Variants in ZFYVE9 observed in about 807,000 individuals in gnomAD.
The protein encoded by ZFYVE9 is zinc finger FYVE-type containing 9.
Under a neutral mutation model 126.7 loss-of-function variants are expected in ZFYVE9, and 43 were observed. That is an observed-to-expected ratio of 0.34 (90% CI 0.27 to 0.44). The LOEUF (loss-of-function observed/expected upper bound fraction) is 0.44, where lower values mean the gene tolerates loss of function less well. Ranked by LOEUF, ZFYVE9 falls within the 20% of genes least tolerant of loss-of-function variation. The probability of loss-of-function intolerance (pLI) is 1.00; values close to 1 mark genes in which losing one functional copy is unlikely to be tolerated. For synonymous variants in ZFYVE9, 521 were observed against 597.4 expected, an observed-to-expected ratio of 0.87 and a Z score of 1.87; for missense variants, 1,476 against 1,697.0, an observed-to-expected ratio of 0.87 and a Z score of 2.29.
chr1:52,243,135 T>C (rs551537988), intron 4 of ZFYVE9, among the ~76,000 whole-genome samples: 2 of 152,340 alleles, frequency 1.3e-5, no homozygotes, highest in East Asian at 1.9e-4. Context: ...TCTCAGATCA[T>C]TGATTAATTC....
chr1:52,204,027 C>T (rs1449253858), intron 1 of ZFYVE9, among the ~76,000 whole-genome samples: 1 of 151,896 alleles, frequency 6.6e-6, no homozygotes, highest in Admixed American at 6.6e-5. Flanking sequence ...TCTGATAATT[C>T]TAGCATCTCT....
At chr1:52,322,403 A>T (rs529387093) in intron 13 of ZFYVE9, among the ~76,000 whole-genome samples, 2 of 139,492 alleles carry the variant, frequency 1.4e-5, no homozygotes, top group African/African-American at 5.4e-5. Context: ...TTTTTGAGAC[A>T]GAGTCTCGCT....
At chr1:52,217,861 A>G (rs1434495489) in intron 2 of ZFYVE9, among the ~76,000 whole-genome samples, 2 of 152,220 alleles carry the variant, frequency 1.3e-5, no homozygotes, top group East Asian at 3.9e-4. Flanking sequence ...TTTTTGGCCA[A>G]CACCATGTCA....
At chr1:52,345,603 A>T (rs1475988461) in intron 18 of ZFYVE9, 1 of 154,942 alleles carries the variant, frequency 6.5e-6, no homozygotes, top group African/African-American at 2.4e-5. Flanking sequence ...GAGCCTCTTG[A>T]GGGCAGGGCC....
At position 52,249,278 on chromosome 1, in the gene ZFYVE9, T is replaced by C. The variant is rs542400179; in HGVS notation, c.2178+9683T>C. Among the ~76,000 whole-genome samples the C allele has an allele frequency of 2.6e-5, 4 of 152,348 alleles. No individual in the cohort carries two copies. The South Asian group carries it at 8.3e-4, about 32-fold the overall frequency. On this transcript the variant is annotated intron_variant, in intron 4 of 18. Transcript: ENST00000287727. ...TCTCCAGTAGTTCTTCATAACAATG[T>C]GAAAACAGACTAATACACTTGTCAA...
intron 13 of ZFYVE9, among the ~76,000 whole-genome samples, chr1:52,317,070 G>A (rs1646192404): frequency 6.6e-6 from 1 of 152,114 alleles, no homozygotes; most frequent in Non-Finnish European, 1.5e-5. Context: ...TGGAAATAAA[G>A]TGTACATTTC....
chr1:52,227,272 A>G (rs1457571334), intron 2 of ZFYVE9, among the ~76,000 whole-genome samples: 1 of 152,182 alleles, frequency 6.6e-6, no homozygotes, highest in African/African-American at 2.4e-5. Context: ...TTGGCAAGCT[A>G]TTTCTCCTCC....
chr1:52,253,145 C>A (rs924313556), intron 4 of ZFYVE9, among the ~76,000 whole-genome samples: 2 of 152,102 alleles, frequency 1.3e-5, no homozygotes, highest in African/African-American at 4.8e-5. Flanking sequence ...CAGAGTGAGA[C>A]CCTGTCTCAA....
At chr1:52,185,727 T>G (rs1644758635) in intron 1 of ZFYVE9, among the ~76,000 whole-genome samples, 1 of 151,980 alleles carries the variant, frequency 6.6e-6, no homozygotes, top group Non-Finnish European at 1.5e-5. Flanking sequence ...ATCGAGACCA[T>G]CCTGGCCAAC....
At chr1:52,237,084 C>G (rs1645279539) in intron 3 of ZFYVE9, among the ~76,000 whole-genome samples, 1 of 152,114 alleles carries the variant, frequency 6.6e-6, no homozygotes, top group African/African-American at 2.4e-5. Context: ...CATTCAGTCT[C>G]TACAGAAAAC....
At chr1:52,298,305 T>C (rs1645997485) in intron 12 of ZFYVE9, among the ~76,000 whole-genome samples, 1 of 152,184 alleles carries the variant, frequency 6.6e-6, no homozygotes, top group African/African-American at 2.4e-5. Context: ...CTTTAATCCG[T>C]TTTTAGTTGA....
At chr1:52,213,577 G>A (rs932514661) in intron 1 of ZFYVE9, among the ~76,000 whole-genome samples, 1 of 151,976 alleles carries the variant, frequency 6.6e-6, no homozygotes, top group African/African-American at 2.4e-5. Context: ...GCTTGAACCC[G>A]GGAGGTGGAG....
intron 2 of ZFYVE9, among the ~76,000 whole-genome samples, chr1:52,218,043 G>T (rs565404854): frequency 6.6e-6 from 1 of 152,294 alleles, no homozygotes; most frequent in Non-Finnish European, 1.5e-5. Context: ...ACTCGAACCT[G>T]GCGGCTATTT....
chr1:52,293,633 T>A lies in ZFYVE9; in HGVS notation c.3206T>A (p.Val1069Glu). The A allele has an allele frequency of 6.2e-7, 1 of 1,614,154 alleles. No individual in the cohort carries two copies. The highest frequency in any genetic ancestry group is 8.5e-7 in the Non-Finnish European group (1 of 1,180,026). The change falls in exon 11 of 19, where the codon GTA (valine) becomes GAA (glutamate). Residue 1069 changes from valine to glutamate, a missense_variant. Transcript: ENST00000287727. Reference protein sequence around the residue: ...IQKWETPWAKVFPIRLMLRLG... With the variant: ...IQKWETPWAKEFPIRLMLRLG... ...AAATGGGAAACTCCTTGGGCTAAAG[T>A]ATTTCCTATCCGTCTGATGTTGAGA...
In ZFYVE9 at chr1:52,266,735, C is replaced by G. The variant is rs1645637460; in HGVS notation, c.2359C>G (p.Pro787Ala). 16 of 1,612,304 alleles carry G rather than the reference C, an allele frequency of 9.9e-6. No individual in the cohort carries two copies. Among genetic ancestry groups the G allele is most frequent in the Non-Finnish European group, 1.3e-5 (15 of 1,179,290 alleles). ...NNPAEYCSTI[P>A]PLQQAQASGA... is the part of the protein sequence containing the mutation. ...TCCTGCTGAATACTGTTCTACTATC[C>G]CTCCCTTGCAGCAAGCTCAGGCCTC... Residue 787 changes from proline to alanine, a missense_variant, in exon 6 of 19, where the codon CCT becomes GCT. Physicochemically the swap from Pro to Ala is conservative, Grantham distance 27. This residue lies in a region of ZFYVE9 where 669 missense variants were observed against 902.4 expected (regional missense o/e 0.74). Transcript: ENST00000287727.
intron 2 of ZFYVE9, among the ~76,000 whole-genome samples, chr1:52,228,210 C>G (rs1645186695): frequency 6.6e-6 from 1 of 152,138 alleles, no homozygotes; most frequent in Non-Finnish European, 1.5e-5. Context: ...TCATGAGTAG[C>G]TGGGATTACA....
chr1:52,303,668 A>G (rs1383600561), intron 12 of ZFYVE9, among the ~76,000 whole-genome samples, 153 bp from the exon 13 acceptor site: 15 of 152,254 alleles, frequency 9.9e-5, no homozygotes, highest in Admixed American at 9.8e-4. Context: ...TAAAATACAT[A>G]TAGTGGGGCT....
At chr1:52,287,217 TTAGCTCCCAAG>T (rs915443249) in intron 10 of ZFYVE9, among the ~76,000 whole-genome samples, 4 of 152,036 alleles carry the variant, frequency 2.6e-5, no homozygotes, top group Admixed American at 6.6e-5. Flanking sequence ...AGCCTCCCAA[TTAGCTCCCAAG>T]TAGCTCCCAA....
chr1:52,346,322 C>T lies in ZFYVE9; in HGVS notation c.*101C>T. 2.8e-6 allele frequency: 2 copies of T among 713,506 alleles called. No individual in the cohort carries two copies. The highest frequency in any genetic ancestry group is 2.7e-5 in the South Asian group (1 of 37,096). The allele number at this position is 713,506 out of a possible 1,614,324, so 44.2% of individuals were successfully genotyped here. A position where few individuals can be genotyped will look rare whatever the true frequency, so the allele number is the denominator to read the frequency against. Reference sequence around the variant, plus strand: ...CTGGAAGATTAAGCTTTTGTTAACACTATTAATGGGGTGGGGAATAGGGTG... The same window carrying T: ...CTGGAAGATTAAGCTTTTGTTAACATTATTAATGGGGTGGGGAATAGGGTG... On this transcript the variant is annotated 3_prime_UTR_variant, in exon 19 of 19. Transcript: ENST00000287727.
Sources: allele counts gnomAD v4.1 joint callset (sites outside exome capture counted in the v4.1 genomes callset), GRCh38; gene constraint gnomAD v4.1.1; regional missense constraint gnomAD v4.1.1; transcripts MANE v1.5; gene names NCBI Gene and HGNC (gene_info 2026-07-23, HGNC 2026-07-21).